SPATA31H1: variants seen among roughly 807,000 people sequenced by gnomAD.
The protein encoded by SPATA31H1 is spermatogenesis-associated protein 31H1.
At chr2:27,549,071 T>TC in the SPATA31H1 span, among the ~76,000 whole-genome samples, 1 of 77,374 alleles carries the variant, frequency 1.3e-5, no homozygotes, top group Non-Finnish European at 2.2e-5. Flanking sequence ...AGACTCCGTC[T>TC]CAAAAAAAAA....
At chr2:27,577,811 G>A in the SPATA31H1 span, 5 of 1,614,014 alleles carry the variant, frequency 3.1e-6, no homozygotes, top group African/African-American at 1.3e-5. The surrounding 1 kb of genome is among the most constrained non-coding windows in gnomAD (Gnocchi z 4.5). Context: ...GGCTACAAAT[G>A]GAGGAATCTT....
At chr2:27,571,351 T>C in the SPATA31H1 span, 1 of 398,388 alleles carries the variant, frequency 2.5e-6, no homozygotes. Context: ...TCTATGGAGA[T>C]AACCTTCCCA....
the SPATA31H1 span, chr2:27,578,762 G>A: frequency 1.2e-6 from 2 of 1,613,978 alleles, no homozygotes; most frequent in Non-Finnish European, 1.7e-6. Context: ...ACTTCTCTAG[G>A]TTCCTACAAA....
chr2:27,547,010 T>C, the SPATA31H1 span, among the ~76,000 whole-genome samples: 2 of 151,954 alleles, frequency 1.3e-5, no homozygotes, highest in Non-Finnish European at 2.9e-5. Context: ...TTGAATTTTA[T>C]TGGTGACCTT....
At chr2:27,580,916 A>T in the SPATA31H1 span, 1 of 1,614,186 alleles carries the variant, frequency 6.2e-7, no homozygotes, top group Non-Finnish European at 8.5e-7. Context: ...ACTCTTTCCA[A>T]CCCAGACCTC....
chr2:27,580,169 G>A, the SPATA31H1 span: 1 of 1,614,096 alleles, frequency 6.2e-7, no homozygotes, highest in Non-Finnish European at 8.5e-7. Context: ...CATCACAAAG[G>A]AAAGCTAAAA....
the SPATA31H1 span, among the ~76,000 whole-genome samples, chr2:27,543,972 C>A: frequency 1.1e-4 from 17 of 151,776 alleles, no homozygotes; most frequent in Admixed American, 1.1e-3. Context: ...TTTTTTCAGT[C>A]CTGAAAAACT....
chr2:27,578,188 A>G, the SPATA31H1 span: 9 of 1,614,080 alleles, frequency 5.6e-6, no homozygotes, highest in Non-Finnish European at 7.6e-6. Context: ...ATGGTAGAAT[A>G]TATTGAGTTG....
chr2:27,539,624 C>T, the SPATA31H1 span, among the ~76,000 whole-genome samples: 3 of 111,040 alleles, frequency 2.7e-5, no homozygotes, highest in Admixed American at 1.1e-4. Context: ...CCCCAATGAG[C>T]CGCTGGGCAC....
the SPATA31H1 span, chr2:27,569,149 T>C: frequency 5.0e-6 from 2 of 398,816 alleles, no homozygotes; most frequent in Non-Finnish European, 8.9e-6. Flanking sequence ...GGAAAAGCAA[T>C]GGGGGAAACT....
At chr2:27,575,379 T>G in the SPATA31H1 span, 2 of 398,366 alleles carry the variant, frequency 5.0e-6, no homozygotes, top group Middle Eastern at 6.2e-4. The surrounding 1 kb of genome is among the most constrained non-coding windows in gnomAD (Gnocchi z 4.1). Flanking sequence ...ACATAGAAAA[T>G]CTTCAGAATT....
At chr2:27,573,757 A>T in the SPATA31H1 span, 9 of 398,432 alleles carry the variant, frequency 2.3e-5, no homozygotes, top group East Asian at 3.2e-4. Context: ...CAAGATGTGA[A>T]GTCTCCAGCG....
the SPATA31H1 span, chr2:27,580,323 C>T: frequency 1.2e-6 from 2 of 1,614,160 alleles, no homozygotes. Flanking sequence ...AACTAGAGCA[C>T]CTGGGCACTA....
At chr2:27,575,348 C>A in the SPATA31H1 span, 1 of 398,454 alleles carries the variant, frequency 2.5e-6, no homozygotes, top group South Asian at 1.3e-4. The surrounding 1 kb of genome is among the most constrained non-coding windows in gnomAD (Gnocchi z 4.1). Context: ...TTATGGTGTT[C>A]AATCCTGAGC....
At chr2:27,540,069 T>C in the SPATA31H1 span, among the ~76,000 whole-genome samples, 1 of 76,934 alleles carries the variant, frequency 1.3e-5, no homozygotes, top group African/African-American at 5.2e-5. Context: ...AGAGGGGTCC[T>C]CACTTCCCAG....
chr2:27,576,614 T>C, the SPATA31H1 span: 5 of 1,606,752 alleles, frequency 3.1e-6, no homozygotes, highest in Non-Finnish European at 4.2e-6. Flanking sequence ...GTATAAATTA[T>C]CAAGAGTTGA....
the SPATA31H1 span, chr2:27,582,029 G>A: frequency 3.7e-6 from 6 of 1,614,158 alleles, no homozygotes; most frequent in South Asian, 1.1e-5. Context: ...GTCTCTTGGA[G>A]AGGAGCCATC....
At chr2:27,566,425 G>T in the SPATA31H1 span, 16 of 712,442 alleles carry the variant, frequency 2.2e-5, no homozygotes, top group South Asian at 2.4e-4. Context: ...GAAGGTGGTA[G>T]AGGTTTTAAA....
chr2:27,577,639 A>G, the SPATA31H1 span: 1 of 1,614,160 alleles, frequency 6.2e-7, no homozygotes, highest in Non-Finnish European at 8.5e-7. The surrounding 1 kb of genome is among the most constrained non-coding windows in gnomAD (Gnocchi z 4.5). Context: ...GGGTTAGGAC[A>G]TCGAGTTCCT....
Sources: allele counts gnomAD v4.1 joint callset (sites outside exome capture counted in the v4.1 genomes callset), GRCh38; gene constraint gnomAD v4.1.1; non-coding constraint Gnocchi (gnomAD v3.1); transcripts MANE v1.5; gene names NCBI Gene and HGNC (gene_info 2026-07-23, HGNC 2026-07-21).